Variants in KLHL1 observed in about 807,000 individuals in gnomAD.
The protein encoded by KLHL1 is kelch like family member 1.
KLHL1 carries 47 observed loss-of-function variants against 77.7 expected under a neutral mutation model. The observed-to-expected ratio is 0.60, with a 90% confidence interval of 0.48 to 0.77. KLHL1 has a LOEUF of 0.77. Among genes scored for constraint, KLHL1 ranks in the 30% least tolerant of loss-of-function variants. KLHL1 has a pLI of 0.00. For synonymous variants in KLHL1, 360 were observed against 325.2 expected (o/e 1.11, Z -1.15); for missense variants, 925 against 910.8 (o/e 1.02, Z -0.20).
At chr13:70,066,663 C>T (rs2137412162) in intron 1 of KLHL1, among the ~76,000 whole-genome samples, 1 of 152,218 alleles carries the variant, frequency 6.6e-6, no homozygotes, top group Non-Finnish European at 1.5e-5. Context: ...TTTGATTCTT[C>T]TTATCATTAG....
chr13:69,936,909 G>A (rs779994810), intron 4 of KLHL1, among the ~76,000 whole-genome samples: 1 of 152,072 alleles, frequency 6.6e-6, no homozygotes, highest in Admixed American at 6.6e-5. Flanking sequence ...TTGATCACTC[G>A]CTTGTAACTT....
At chr13:70,029,325 T>C (rs1328321805) in intron 1 of KLHL1, among the ~76,000 whole-genome samples, 1 of 152,182 alleles carries the variant, frequency 6.6e-6, no homozygotes, top group Non-Finnish European at 1.5e-5. Flanking sequence ...CTGGTCACTG[T>C]AGAATATAGT....
chr13:70,088,686 A>T (rs1887603227), intron 1 of KLHL1, among the ~76,000 whole-genome samples: 1 of 152,176 alleles, frequency 6.6e-6, no homozygotes, highest in African/African-American at 2.4e-5. Flanking sequence ...CCTGTCTCAT[A>T]AACAAACAAA....
At chr13:69,986,495 C>T (rs954321606) in intron 1 of KLHL1, among the ~76,000 whole-genome samples, 1 of 151,934 alleles carries the variant, frequency 6.6e-6, no homozygotes, top group South Asian at 2.1e-4. Context: ...AAACTTCAAA[C>T]ATCAAGTGAA....
At chr13:69,726,279 T>A (rs573879308) in intron 8 of KLHL1, among the ~76,000 whole-genome samples, 4 of 152,248 alleles carry the variant, frequency 2.6e-5, no homozygotes, top group Admixed American at 6.5e-5. Flanking sequence ...TTAGAATCCC[T>A]CAACTCCAGT....
At chr13:69,911,427 T>C (rs1486689500) in intron 4 of KLHL1, among the ~76,000 whole-genome samples, 1 of 152,082 alleles carries the variant, frequency 6.6e-6, no homozygotes. Context: ...CTTCCAGATA[T>C]GAAATATATT....
intron 5 of KLHL1, among the ~76,000 whole-genome samples, chr13:69,845,889 T>C (rs1356322801): frequency 6.6e-6 from 1 of 151,290 alleles, no homozygotes; most frequent in Non-Finnish European, 1.5e-5. Context: ...ATGTCGATAT[T>C]TGAAAAAAAA....
At chr13:70,025,211 G>A (rs1210863809) in intron 1 of KLHL1, among the ~76,000 whole-genome samples, 1 of 151,788 alleles carries the variant, frequency 6.6e-6, no homozygotes, top group Non-Finnish European at 1.5e-5. Flanking sequence ...TGTATACAGT[G>A]GTAAATAAAT....
At chr13:69,754,701 T>C (rs757383396) in intron 7 of KLHL1, among the ~76,000 whole-genome samples, 16 of 152,170 alleles carry the variant, frequency 1.1e-4, no homozygotes, top group Non-Finnish European at 2.1e-4. Context: ...ACCTTCCTGC[T>C]CATATCCATG....
At chr13:69,909,338 T>C (rs1882157261) in intron 4 of KLHL1, among the ~76,000 whole-genome samples, 3 of 151,860 alleles carry the variant, frequency 2.0e-5, no homozygotes, top group African/African-American at 7.2e-5. Context: ...ATAAATAATG[T>C]TTCTAGACTG....
chr13:69,771,403 A>G (rs1266813493), intron 7 of KLHL1, among the ~76,000 whole-genome samples: 10 of 152,152 alleles, frequency 6.6e-5, no homozygotes, highest in East Asian at 1.9e-4. Context: ...TTAATGAGCT[A>G]CTTTATCTCC....
At chr13:70,033,769 A>C (rs2137369866) in intron 1 of KLHL1, among the ~76,000 whole-genome samples, 1 of 151,414 alleles carries the variant, frequency 6.6e-6, no homozygotes, top group Admixed American at 6.6e-5. Context: ...ACAGGCACGC[A>C]CCACCACAGC....
chr13:69,985,901 ATATG>A (rs1884855247), intron 1 of KLHL1, among the ~76,000 whole-genome samples: 1 of 142,096 alleles, frequency 7.0e-6, no homozygotes, highest in Non-Finnish European at 1.5e-5. Flanking sequence ...ATAAGTATAT[ATATG>A]TAAGTTATAT....
chr13:69,815,893 T>C (rs1484055669), intron 6 of KLHL1, among the ~76,000 whole-genome samples: 1 of 151,726 alleles, frequency 6.6e-6, no homozygotes, highest in African/African-American at 2.4e-5. Context: ...ATCAAAAATA[T>C]ACAAATAGAG....
intron 1 of KLHL1, among the ~76,000 whole-genome samples, chr13:70,004,435 A>C (rs1885361489): frequency 6.6e-6 from 1 of 151,920 alleles, no homozygotes; most frequent in South Asian, 2.1e-4. Context: ...GGTCATGGAA[A>C]CTGTCTTAGA....
chr13:70,000,562 A>G (rs1157453454), intron 1 of KLHL1, among the ~76,000 whole-genome samples: 3 of 151,968 alleles, frequency 2.0e-5, no homozygotes, highest in Admixed American at 6.6e-5. Context: ...AATACAAACT[A>G]CCTTACATTA....
At chr13:69,985,142 AAC>A (rs1884827121) in intron 1 of KLHL1, among the ~76,000 whole-genome samples, 2 of 151,980 alleles carry the variant, frequency 1.3e-5, no homozygotes, top group South Asian at 4.1e-4. Context: ...CAACAACAAC[AAC>A]AAAAAACCTC....
In KLHL1 at chr13:70,094,393, T is replaced by TTATATATATATATATATATATA. The variant is rs369471818; in HGVS notation, c.497+12809_497+12810insTATATATATATATATATATATA. ...TGAAACAAATACAATGCAATCATCT[T>TTATATATATATATATATATATA]TATATATATATATATATGAATATAT... On this transcript the variant is annotated intron_variant, in intron 1 of 10. Coordinates refer to ENST00000377844, the MANE Select transcript of KLHL1 (RefSeq NM_020866.3). 6.4e-3 allele frequency among the ~76,000 whole-genome samples: 874 copies of TTATATATATATATATATATATA among 136,862 alleles called. 16 individuals carry two copies. Among genetic ancestry groups the TTATATATATATATATATATATA allele is most frequent in the Middle Eastern group, 0.015 (4 of 266 alleles). 89.8% of individuals were successfully genotyped at this position (136,862 alleles called of 152,430 possible).
At chr13:70,089,692 C>T (rs1205069352) in intron 1 of KLHL1, among the ~76,000 whole-genome samples, 5 of 152,060 alleles carry the variant, frequency 3.3e-5, no homozygotes, top group African/African-American at 1.2e-4. Flanking sequence ...GCAGATTTAA[C>T]TCATGATTTT....
Sources: allele counts gnomAD v4.1 joint callset (sites outside exome capture counted in the v4.1 genomes callset), GRCh38; gene constraint gnomAD v4.1.1; transcripts MANE v1.5; gene names NCBI Gene and HGNC (gene_info 2026-07-23, HGNC 2026-07-21).